IARS2: variants seen among roughly 807,000 people sequenced by gnomAD.
IARS2 encodes isoleucyl-tRNA synthetase 2, mitochondrial.
In IARS2, 56 loss-of-function variants were observed where a neutral mutation model predicts 126.3. The observed-to-expected ratio is 0.44, with a 90% CI of 0.36 to 0.55. The LOEUF is 0.55. Ranked by LOEUF, IARS2 falls within the 20% of genes least tolerant of loss-of-function variation. The pLI is 0.00. For missense variants in IARS2, 1,127 were observed against 1,245.9 expected (o/e 0.90, Z 1.44); for synonymous variants, 407 against 441.1 (o/e 0.92, Z 0.97).
At chr1:220,137,178 C>T (rs1657393895) in intron 16 of IARS2, among the ~76,000 whole-genome samples, 1 of 152,138 alleles carries the variant, frequency 6.6e-6, no homozygotes, top group East Asian at 1.9e-4. Context: ...TTTTGTGATT[C>T]GTAAGCGTGA....
At chr1:220,124,331 A>AG (rs539218412) in intron 12 of IARS2, among the ~76,000 whole-genome samples, 26 of 152,174 alleles carry the variant, frequency 1.7e-4, no homozygotes, top group Admixed American at 6.5e-5. Flanking sequence ...TTTATTTGAT[A>AG]GGGGTTGATT....
In IARS2 at chr1:220,110,279, T is replaced by G. The variant is rs113887434; in HGVS notation, c.1328-507T>G. Among the ~76,000 whole-genome samples, 1,070 of 152,218 alleles carry G rather than the reference T, an allele frequency of 7.0e-3. 16 individuals are homozygous for G. Among genetic ancestry groups the G allele is most frequent in the African/African-American group, 0.024 (1,008 of 41,538 alleles). Reference sequence around the variant, plus strand: ...TTCACCATGCAGGCCAGGCTGGTCTTGAATTCCTGACCTCAAGTGATCCTC... The same window carrying G: ...TTCACCATGCAGGCCAGGCTGGTCTGGAATTCCTGACCTCAAGTGATCCTC... On this transcript the variant is annotated intron_variant, in intron 10 of 22. Coordinates refer to ENST00000366922, the MANE Select transcript of IARS2 (RefSeq NM_018060.4).
At position 220,134,466 on chromosome 1, in the gene IARS2, A is replaced by G. The variant is rs764791185; in HGVS notation, c.1902A>G (p.Ser634=). ...GKDQLGGWFQ[S]SLLTSVAARK... ...ACCAGCTCGGGGGTTGGTTTCAGTC[A>G]TCCTTATTAACAAGTGTGGCAGCAA... The change falls in exon 15 of 23, where the codon TCA becomes TCG. Residue 634 remains serine, a synonymous_variant. Transcript: ENST00000366922. 4 of 1,613,500 alleles carry G rather than the reference A, an allele frequency of 2.5e-6. No individual in the cohort carries two copies. Among genetic ancestry groups the G allele is most frequent in the Admixed American group, 3.3e-5 (2 of 59,926 alleles).
rs992910963 is a variant in IARS2, at chr1:220,127,711, A to G, written c.1837+868A>G. 6.6e-5 allele frequency among the ~76,000 whole-genome samples: 10 copies of G among 152,302 alleles called. No homozygotes were observed. The South Asian group carries it at 1.7e-3, about 25-fold the overall frequency. ...AAGTAGCTTGTCTATGAATCACACA[A>G]TAGGATTCCTAGTAGGTGGATCTAT... On this transcript the variant is annotated intron_variant, in intron 14 of 22. Coordinates refer to ENST00000366922, the MANE Select transcript of IARS2 (RefSeq NM_018060.4).
chr1:220,118,344 T>G, intron 12 of IARS2: 1 of 271,646 alleles, frequency 3.7e-6, no homozygotes, highest in Non-Finnish European at 7.4e-6. Context: ...ATGTTCTAAA[T>G]AAGTTTAGGG....
intron 8 of IARS2, among the ~76,000 whole-genome samples, 172 bp downstream of exon 8, chr1:220,103,734 G>A (rs1258852818): frequency 6.6e-6 from 1 of 152,174 alleles, no homozygotes; most frequent in Non-Finnish European, 1.5e-5. Context: ...CATGATAGGA[G>A]TATAGAAAAA....
intron 14 of IARS2, among the ~76,000 whole-genome samples, chr1:220,132,224 C>T (rs1034857817): frequency 6.6e-6 from 1 of 152,184 alleles, no homozygotes; most frequent in Non-Finnish European, 1.5e-5. Context: ...AGAGTTTCCT[C>T]CTCTTCGATG....
At chr1:220,130,382 C>G (rs1355832680) in intron 14 of IARS2, among the ~76,000 whole-genome samples, 3 of 152,074 alleles carry the variant, frequency 2.0e-5, no homozygotes, top group African/African-American at 7.2e-5. Context: ...TTCCATTTGT[C>G]TATTTTCGCT....
At position 220,140,222 on chromosome 1, in the gene IARS2, G is replaced by C. The variant is rs1657457110; in HGVS notation, c.2347G>C (p.Val783Leu). 1.2e-6 allele frequency: 2 copies of C among 1,612,996 alleles called. No individual in the cohort carries two copies. The highest frequency in any genetic ancestry group is 1.3e-5 in the African/African-American group (1 of 74,878). ...LYKQYDFGKV[V>L]RLLRTFYTRE... ...CAAACAATATGATTTTGGAAAAGTT[G>C]TTCGGCTGTTACGGACGTTTTATAC... Residue 783 changes from valine to leucine, a missense_variant, in exon 19 of 23, where the codon GTT (valine) becomes CTT (leucine). By Grantham distance (32) the Val-to-Leu change is conservative. Coordinates refer to ENST00000366922, the MANE Select transcript of IARS2 (RefSeq NM_018060.4).
chr1:220,132,093 G>C (rs566446855), intron 14 of IARS2, among the ~76,000 whole-genome samples: 1 of 152,298 alleles, frequency 6.6e-6, no homozygotes, highest in African/African-American at 2.4e-5. Flanking sequence ...ACCGCAAGTG[G>C]CCTGTTGAGG....
At position 220,102,245 on chromosome 1, in the gene IARS2, C is replaced by G; in HGVS notation, c.667C>G (p.Gln223Glu). ...ATTTGATGGGAAGTATGAAGCCAAA[C>G]AGTTGAGAACTTTTTACCAAATGTA... ...YTFDGKYEAK[Q>E]LRTFYQMYDK... Residue 223 changes from glutamine to glutamate, a missense_variant, in exon 4 of 23, where the codon CAG becomes GAG. By Grantham distance (29) the Gln-to-Glu change is conservative. Transcript: ENST00000366922. 2 of 1,608,634 alleles carry G rather than the reference C, an allele frequency of 1.2e-6. No homozygotes were observed. Among genetic ancestry groups the G allele is most frequent in the Non-Finnish European group, 1.7e-6 (2 of 1,178,780 alleles).
chr1:220,121,439 AAAC>A, intron 12 of IARS2, among the ~76,000 whole-genome samples: 1 of 152,344 alleles, frequency 6.6e-6, no homozygotes, highest in African/African-American at 2.4e-5. Context: ...GTGTCTGACT[AAAC>A]TTGGTGGGAT....
chr1:220,113,637 A>AGAGAGAGAGAGAGAGATTTATTT (rs376681009), intron 11 of IARS2, among the ~76,000 whole-genome samples: 1,655 of 151,856 alleles, frequency 0.011, 31 homozygotes, highest in African/African-American at 0.037. Flanking sequence ...ATATATATAT[A>AGAGAGAGAGAGAGAGATTTATTT]TAGAGAGAGA....
In IARS2 at chr1:220,134,491, A is replaced by G; in HGVS notation, c.1927A>G (p.Arg643Gly). Residue 643 changes from arginine to glycine, a missense_variant, in exon 15 of 23, where the codon AGG becomes GGG. Physicochemically the swap from Arg to Gly is moderately radical, Grantham distance 125 (BLOSUM62 -2). Coordinates refer to ENST00000366922, the MANE Select transcript of IARS2 (RefSeq NM_018060.4). ...QSSLLTSVAA[R>G]KRAPYKTVIV... ...ATCCTTATTAACAAGTGTGGCAGCA[A>G]GGAAGAGAGCACCTTATAAGTAAGT... The G allele has an allele frequency of 6.2e-7, 1 of 1,612,004 alleles. No homozygotes were observed. The highest frequency in any genetic ancestry group is 1.1e-5 in the South Asian group (1 of 90,650).
chr1:220,101,529 G>A (rs192415344), intron 3 of IARS2, among the ~76,000 whole-genome samples: 49 of 151,864 alleles, frequency 3.2e-4, no homozygotes, highest in Non-Finnish European at 5.4e-4. Context: ...GCAAAACCCC[G>A]TATCTACTAA....
At chr1:220,145,826 A>G (rs1020140040) in intron 22 of IARS2, among the ~76,000 whole-genome samples, 173 bp downstream of exon 22, 3 of 152,240 alleles carry the variant, frequency 2.0e-5, no homozygotes, top group Non-Finnish European at 2.9e-5. Flanking sequence ...TCTTAAAACT[A>G]TCTTACCTGA....
At chr1:220,118,672 A>G (rs939014779) in intron 12 of IARS2, among the ~76,000 whole-genome samples, 3 of 152,280 alleles carry the variant, frequency 2.0e-5, no homozygotes, top group East Asian at 3.9e-4. Context: ...TATTAATGCT[A>G]TAGTTAACAT....
chr1:220,123,626 A>C (rs986006242), intron 12 of IARS2, among the ~76,000 whole-genome samples: 1 of 152,062 alleles, frequency 6.6e-6, no homozygotes, highest in South Asian at 2.1e-4. Flanking sequence ...GGCGCCCGCC[A>C]CCATGCCCGG....
At position 220,141,847 on chromosome 1, in the gene IARS2, A is replaced by T; in HGVS notation, c.2459A>T (p.Gln820Leu). ...KENDPKRRSC[Q>L]TALVEILDVI... The stretch of plus-strand genomic sequence containing the variant: ...AATGACCCCAAACGACGCTCTTGTC[A>T]GACTGCATTAGTTGAAATTTTGGAT... Residue 820 changes from glutamine (Q) to leucine (L), a missense_variant, in exon 20 of 23, where the codon CAG (glutamine) becomes CTG (leucine). Transcript: ENST00000366922. 1 of 1,614,180 alleles carries T rather than the reference A, an allele frequency of 6.2e-7. No individual in the cohort carries two copies. The highest frequency in any genetic ancestry group is 8.5e-7 in the Non-Finnish European group (1 of 1,180,024).
Sources: allele counts gnomAD v4.1 joint callset (sites outside exome capture counted in the v4.1 genomes callset), GRCh38; gene constraint gnomAD v4.1.1; transcripts MANE v1.5; gene names NCBI Gene and HGNC (gene_info 2026-07-23, HGNC 2026-07-21).